Variants in CORO2B observed in about 807,000 individuals in gnomAD.
CORO2B encodes coronin-2B.
CORO2B carries 26 observed loss-of-function variants against 58.8 expected under a neutral mutation model. The ratio of observed to expected loss-of-function variants is 0.44; its 90% CI spans 0.32 to 0.61. The LOEUF (loss-of-function observed/expected upper bound fraction) is 0.61. Among genes scored for constraint, CORO2B ranks in the 20% least tolerant of loss-of-function variants. The probability of loss-of-function intolerance (pLI) is 0.04; values close to 1 mark genes in which losing one functional copy is unlikely to be tolerated. For missense variants in CORO2B, 460 were observed against 645.1 expected (o/e 0.71, Z 3.11); for synonymous variants, 242 against 253.8 (o/e 0.95, Z 0.44).
the CORO2B span, among the ~76,000 whole-genome samples, chr15:68,549,057 TCC>T: frequency 0.15 from 22,841 of 152,122 alleles, 2,018 homozygotes; most frequent in Middle Eastern, 0.24. Flanking sequence ...CTCCTCTTCT[TCC>T]TTCCTTTCTA....
Position 68,669,164 on chromosome 15 carries a change from G to GAAAGA in CORO2B, c.216+23817_216+23821dup, listed in dbSNP as rs879673511. On this transcript the variant is annotated intron_variant, in intron 2 of 11. Coordinates refer to ENST00000261861, the MANE Select transcript of CORO2B (RefSeq NM_006091.5). Reference sequence around the variant, plus strand: ...AAAGAAGAAAGAAAAAGAAAAGAAAGAAAGAAAAGAAAAGAAAGAAAGGAA... The same window carrying GAAAGA: ...AAAGAAGAAAGAAAAAGAAAAGAAAGAAAGAAAAGAAAAGAAAAGAAAGAAAGGAA... 5.3e-3 allele frequency among the ~76,000 whole-genome samples: 799 copies of GAAAGA among 150,578 alleles called. 23 individuals carry two copies. Among genetic ancestry groups the GAAAGA allele is most frequent in the Admixed American group, 0.041 (612 of 15,000 alleles).
the CORO2B span, among the ~76,000 whole-genome samples, chr15:68,544,915 T>C: frequency 9.2e-5 from 14 of 152,284 alleles, no homozygotes; most frequent in Admixed American, 7.8e-4. Context: ...TAGCTGGGAC[T>C]ACAGGCGCCC....
chr15:68,661,733 G>A (rs531760110), intron 2 of CORO2B, among the ~76,000 whole-genome samples: 7 of 152,306 alleles, frequency 4.6e-5, no homozygotes, highest in South Asian at 2.1e-4. Flanking sequence ...AGGGCCTGGC[G>A]TGGTAGCTCA....
intron 2 of CORO2B, among the ~76,000 whole-genome samples, chr15:68,659,154 A>G (rs1352779138): frequency 6.6e-6 from 1 of 152,194 alleles, no homozygotes; most frequent in Non-Finnish European, 1.5e-5. Context: ...CAGTTCCTCC[A>G]GTAGGAGGGA....
At chr15:68,629,368 G>A (rs929323565) in intron 1 of CORO2B, among the ~76,000 whole-genome samples, 4 of 152,238 alleles carry the variant, frequency 2.6e-5, no homozygotes, top group Admixed American at 2.0e-4. Context: ...ACTGAGCCTG[G>A]AGCTGATTCT....
chr15:68,712,788 T>G (rs60974515), intron 5 of CORO2B, among the ~76,000 whole-genome samples: 7,580 of 152,068 alleles, frequency 0.05, 554 homozygotes, highest in African/African-American at 0.16. Context: ...TGAGAACACT[T>G]AACCTTAGCG....
intron 3 of CORO2B, among the ~76,000 whole-genome samples, chr15:68,704,039 TACACACACACAC>T (rs10566834): frequency 4.2e-4 from 54 of 128,156 alleles, no homozygotes; most frequent in Middle Eastern, 4.3e-3. Context: ...TACACACACA[TACACACACACAC>T]ACACACACAC....
chr15:68,595,225 C>G (rs1313925908), intron 1 of CORO2B, among the ~76,000 whole-genome samples: 1 of 152,180 alleles, frequency 6.6e-6, no homozygotes, highest in Non-Finnish European at 1.5e-5. Flanking sequence ...TGAGCTGGAC[C>G]CTACCCTGCC....
At chr15:68,574,112 G>A (rs1351306520), upstream of CORO2B, among the ~76,000 whole-genome samples, 1 of 152,194 alleles carries the variant, frequency 6.6e-6, no homozygotes, top group East Asian at 1.9e-4. Flanking sequence ...TGCAAGAGCT[G>A]CTGGGGGAGA....
At chr15:68,681,127 C>T (rs533994904) in intron 2 of CORO2B, among the ~76,000 whole-genome samples, 19 of 152,126 alleles carry the variant, frequency 1.2e-4, no homozygotes, top group Admixed American at 2.0e-4. Context: ...GCAGGAGAAT[C>T]GCTTGAACCC....
the CORO2B span, among the ~76,000 whole-genome samples, chr15:68,533,332 A>G: frequency 2.8e-3 from 425 of 152,336 alleles, 2 homozygotes; most frequent in Non-Finnish European, 4.2e-3. Context: ...AGAAGTGGAA[A>G]TCTTGTGTGC....
intron 2 of CORO2B, among the ~76,000 whole-genome samples, chr15:68,656,103 G>C (rs12916371): frequency 0.97 from 145,028 of 149,874 alleles, 70,371 homozygotes; most frequent in East Asian, 1. Flanking sequence ...AGGGCAGTTT[G>C]CACTTCCAGA....
chr15:68,617,342 T>G (rs1266860032), intron 1 of CORO2B, among the ~76,000 whole-genome samples: 1 of 152,234 alleles, frequency 6.6e-6, no homozygotes, highest in Non-Finnish European at 1.5e-5. Flanking sequence ...CACTCTTCTG[T>G]GTTTTTCAAG....
At chr15:68,552,831 G>A in the CORO2B span, among the ~76,000 whole-genome samples, 2 of 152,170 alleles carry the variant, frequency 1.3e-5, no homozygotes, top group African/African-American at 4.8e-5. Context: ...TTGGATTGCT[G>A]GGGTCACTAC....
At chr15:68,658,412 A>G (rs930432) in intron 2 of CORO2B, among the ~76,000 whole-genome samples, 148,186 of 152,372 alleles carry the variant, frequency 0.97, 72,205 homozygotes, top group Middle Eastern at 1. Flanking sequence ...TCGGCCAGTG[A>G]GGGGCCAGTG....
intron 2 of CORO2B, among the ~76,000 whole-genome samples, chr15:68,647,480 G>A (rs999144008): frequency 1.3e-5 from 2 of 148,356 alleles, no homozygotes; most frequent in Non-Finnish European, 1.5e-5. Flanking sequence ...ACCTGAGGTC[G>A]AGAGTTTGAG....
At chr15:68,612,247 A>G (rs764149370) in intron 1 of CORO2B, among the ~76,000 whole-genome samples, 18 of 152,266 alleles carry the variant, frequency 1.2e-4, no homozygotes, top group Non-Finnish European at 1.3e-4. Flanking sequence ...ATATGTGAAT[A>G]TGGAAGGATA....
At chr15:68,670,347 T>A (rs1197784078) in intron 2 of CORO2B, among the ~76,000 whole-genome samples, 2 of 152,162 alleles carry the variant, frequency 1.3e-5, no homozygotes, top group African/African-American at 4.8e-5. Flanking sequence ...GTTAATTTTT[T>A]AATTTTTTTT....
At chr15:68,531,384 C>A in the CORO2B span, among the ~76,000 whole-genome samples, 1 of 151,806 alleles carries the variant, frequency 6.6e-6, no homozygotes, top group Non-Finnish European at 1.5e-5. Flanking sequence ...GTAATCCCAG[C>A]TACTCAGGAG....
Sources: allele counts gnomAD v4.1 joint callset (sites outside exome capture counted in the v4.1 genomes callset), GRCh38; gene constraint gnomAD v4.1.1; transcripts MANE v1.5; gene names NCBI Gene and HGNC (gene_info 2026-07-23, HGNC 2026-07-21).